The following DAB2IP variants were observed in gnomAD, a reference collection of about 807,000 sequenced individuals.
DAB2IP encodes the protein DAB2 interacting protein.
Under a neutral mutation model 107.2 loss-of-function variants are expected in DAB2IP, and 28 were observed. That is an observed-to-expected ratio of 0.26 (90% CI 0.19 to 0.36). The LOEUF (loss-of-function observed/expected upper bound fraction) is 0.36, where lower values mean the gene tolerates loss of function less well. Ranked by LOEUF, DAB2IP falls within the 10% of genes least tolerant of loss-of-function variation. The pLI is 1.00. For synonymous variants in DAB2IP, 755 were observed against 706.4 expected (o/e 1.07, Z -1.09); for missense variants, 1,400 against 1,644.7 (o/e 0.85, Z 2.57).
intron 1 of DAB2IP, among the ~76,000 whole-genome samples, chr9:121,642,173 C>T (rs939023485): frequency 9.9e-5 from 15 of 150,952 alleles, no homozygotes; most frequent in African/African-American, 3.4e-4. Context: ...CTCAACCTCC[C>T]TGGCTCAAGC....
In DAB2IP at chr9:121,683,476, A is replaced by C. The variant is rs549650320; in HGVS notation, c.228+4695A>C. Among the ~76,000 whole-genome samples the C allele has an allele frequency of 3.2e-4, 48 of 152,218 alleles. No homozygotes were observed. The South Asian group carries it at 4.4e-3, about 14-fold the overall frequency. On this transcript the variant is annotated intron_variant, in intron 2 of 15. Transcript: ENST00000408936. ...AGAGGCTCAGGGAAACTTGACAGCC[A>C]ATTGATTCCTCCTCGGGAAGTTGAA...
At chr9:121,745,372 G>A (rs977727159) in intron 3 of DAB2IP, among the ~76,000 whole-genome samples, 4 of 152,132 alleles carry the variant, frequency 2.6e-5, no homozygotes, top group South Asian at 2.1e-4. Context: ...GTTTCTGCCC[G>A]TGCCAGTGGC....
rs574619465 is a variant in DAB2IP, at chr9:121,751,931, T to A, written c.363-5082T>A. 9.1e-6 allele frequency: 9 copies of A among 985,366 alleles called. No individual in the cohort carries two copies. The South Asian group carries it at 4.2e-4, about 46-fold the overall frequency. The allele number at this position is 985,366 out of a possible 1,614,324, so 61.0% of individuals were successfully genotyped here. A position where few individuals can be genotyped will look rare whatever the true frequency, so the allele number is the denominator to read the frequency against. On this transcript the variant is annotated intron_variant, in intron 3 of 15. Transcript: ENST00000408936. ...TGTCCCGTGTGTGACCTGGATGTCA[T>A]GGTGCCACCTCCTTCCTGGGAGCAG...
chr9:121,742,042 A>G (rs190692949), intron 3 of DAB2IP, among the ~76,000 whole-genome samples: 1 of 152,194 alleles, frequency 6.6e-6, no homozygotes, highest in East Asian at 1.9e-4. Context: ...GGCATCACAG[A>G]AACAGAGTGA....
chr9:121,782,474 G>A lies in DAB2IP; in HGVS notation c.3546G>A (p.Glu1182=), dbSNP rs1190067272. Residue 1182 remains glutamate, a synonymous_variant, in exon 16 of 16, where the codon GAG becomes GAA. Coordinates refer to ENST00000408936, the Ensembl canonical transcript of DAB2IP. This position sits in a 1 kb window ranked among gnomAD's most constrained non-coding sequence, Gnocchi z 6.1. ...AATTGCAGATTACTGAGAACGGCGA[G>A]TTCAGAAACAGCAGCAATTGTTAAC... The A allele has an allele frequency of 6.2e-7, 1 of 1,614,050 alleles. No homozygotes were observed. The highest frequency in any genetic ancestry group is 8.5e-7 in the Non-Finnish European group (1 of 1,179,932).
At chr9:121,569,246 A>G (rs1031410431) in intron 1 of DAB2IP, among the ~76,000 whole-genome samples, 24 of 152,228 alleles carry the variant, frequency 1.6e-4, no homozygotes, top group Admixed American at 1.4e-3. Flanking sequence ...ACATTCATCA[A>G]TTTAACAATT....
intron 2 of DAB2IP, among the ~76,000 whole-genome samples, chr9:121,692,585 G>A (rs1232192946): frequency 6.6e-6 from 1 of 152,176 alleles, no homozygotes; most frequent in Non-Finnish European, 1.5e-5. Context: ...TTCTTTGTTT[G>A]ACTTAAGTAG....
chr9:121,773,713 C>T (rs1056318489), intron 12 of DAB2IP, among the ~76,000 whole-genome samples: 3 of 152,192 alleles, frequency 2.0e-5, no homozygotes, highest in East Asian at 1.9e-4. Context: ...ACTCCAGGCT[C>T]CTCTGTCAGT....
chr9:121,641,765 A>AGCCTGCCTGCCT (rs76810093), intron 1 of DAB2IP, among the ~76,000 whole-genome samples: 4 of 150,772 alleles, frequency 2.7e-5, no homozygotes, highest in African/African-American at 7.3e-5. Flanking sequence ...TCCCACAGCC[A>AGCCTGCCTGCCT]GCCTGCCTGC....
intron 2 of DAB2IP, among the ~76,000 whole-genome samples, chr9:121,685,512 G>T (rs1828827171): frequency 6.6e-6 from 1 of 152,238 alleles, no homozygotes; most frequent in Non-Finnish European, 1.5e-5. Context: ...CCATTTTACA[G>T]TTGAGGATCC....
intron 3 of DAB2IP, among the ~76,000 whole-genome samples, chr9:121,721,307 C>G (rs1218243304): frequency 3.3e-5 from 5 of 152,208 alleles, no homozygotes; most frequent in Non-Finnish European, 5.9e-5. Context: ...TCTGTCCCTG[C>G]TGTGGGAGTC....
intron 3 of DAB2IP, among the ~76,000 whole-genome samples, chr9:121,749,653 C>T (rs573912178): frequency 4.5e-4 from 68 of 152,288 alleles, no homozygotes; most frequent in Non-Finnish European, 6.2e-4. Flanking sequence ...GGCCTCCTCA[C>T]GGGGGTCTAC....
intron 10 of DAB2IP, among the ~76,000 whole-genome samples, chr9:121,770,282 A>G (rs1250220862): frequency 1.3e-5 from 2 of 152,220 alleles, no homozygotes; most frequent in African/African-American, 2.4e-5. Flanking sequence ...GGCAAACTGA[A>G]GGAGAGGCTT....
exon 5 of DAB2IP, chr9:121,758,907 T>G (rs988112588): frequency 6.2e-6 from 10 of 1,613,364 alleles, no homozygotes; most frequent in Non-Finnish European, 8.5e-6. Flanking sequence ...GGTGACGACG[T>G]CATCAGGAAG....
chr9:121,763,905 A>T, intron 8 of DAB2IP, 26 bp downstream of exon 8: 1 of 1,608,558 alleles, frequency 6.2e-7, no homozygotes, highest in Non-Finnish European at 8.5e-7. Flanking sequence ...AGGTCTCCCC[A>T]CCCTGTCGCC....
intron 9 of DAB2IP, 42 bp downstream of exon 9, chr9:121,766,772 G>T (rs560681734): frequency 6.3e-7 from 1 of 1,598,284 alleles, no homozygotes; most frequent in South Asian, 1.1e-5. Context: ...GGGCAGGGCT[G>T]GTGTCCACAG....
At chr9:121,577,421 C>T (rs371318162) in intron 1 of DAB2IP, among the ~76,000 whole-genome samples, 9 of 152,232 alleles carry the variant, frequency 5.9e-5, no homozygotes, top group African/African-American at 1.2e-4. Context: ...TGTGCGCACA[C>T]GGGCAGGCGT....
At chr9:121,750,079 C>T (rs1200850909) in intron 3 of DAB2IP, among the ~76,000 whole-genome samples, 1 of 152,194 alleles carries the variant, frequency 6.6e-6, no homozygotes, top group Non-Finnish European at 1.5e-5. Context: ...CCTCCTGAGC[C>T]TCCCGCCTGC....
At chr9:121,738,724 C>G (rs1036463672) in intron 3 of DAB2IP, among the ~76,000 whole-genome samples, 1 of 152,230 alleles carries the variant, frequency 6.6e-6, no homozygotes, top group African/African-American at 2.4e-5. Context: ...GCATTCAAGA[C>G]CTGGCTCTTG....
Sources: allele counts gnomAD v4.1 joint callset (sites outside exome capture counted in the v4.1 genomes callset), GRCh38; gene constraint gnomAD v4.1.1; non-coding constraint Gnocchi (gnomAD v3.1); transcripts MANE v1.5; gene names NCBI Gene and HGNC (gene_info 2026-07-23, HGNC 2026-07-21).